The following STK38L variants were observed in gnomAD, a reference collection of about 807,000 sequenced individuals.
STK38L encodes the protein serine/threonine kinase 38 like.
A neutral mutation model predicts 59.7 loss-of-function variants in STK38L; 28 were observed. That is an observed-to-expected ratio of 0.47 (90% confidence interval 0.35 to 0.64). The LOEUF is 0.64. STK38L is among the 30% of genes least tolerant of loss of function. STK38L has a pLI of 0.01. For synonymous variants in STK38L, 162 were observed against 176.8 expected (o/e 0.92, Z 0.66); for missense variants, 314 against 555.8 (o/e 0.56, Z 4.37).
chr12:27,278,954 G>C (rs1171885283), intron 1 of STK38L, among the ~76,000 whole-genome samples: 1 of 152,132 alleles, frequency 6.6e-6, no homozygotes, highest in East Asian at 1.9e-4. Flanking sequence ...ATATGAAAAA[G>C]TATAATAATT....
At chr12:27,264,119 G>A (rs1389226719) in intron 1 of STK38L, among the ~76,000 whole-genome samples, 1 of 152,130 alleles carries the variant, frequency 6.6e-6, no homozygotes, top group African/African-American at 2.4e-5. Context: ...CAAATTATGG[G>A]CTTTAATAAA....
chr12:27,305,554 G>A (rs1944290660), intron 3 of STK38L, among the ~76,000 whole-genome samples: 1 of 152,056 alleles, frequency 6.6e-6, no homozygotes, highest in Non-Finnish European at 1.5e-5. Context: ...CTTTATATGG[G>A]GTGGGTTTGA....
chr12:27,296,539 G>T (rs1944026855), intron 1 of STK38L, among the ~76,000 whole-genome samples: 1 of 152,134 alleles, frequency 6.6e-6, no homozygotes, highest in Non-Finnish European at 1.5e-5. Flanking sequence ...TCCACTTCAG[G>T]TCCACATCCA....
chr12:27,308,596 G>A lies in STK38L; in HGVS notation c.309+135G>A, dbSNP rs1944372712. 1.5e-5 allele frequency: 14 copies of A among 954,136 alleles called. No individual in the cohort carries two copies. The South Asian group carries it at 1.7e-4, about 12-fold the overall frequency. 59.1% of individuals were successfully genotyped at this position (954,136 alleles called of 1,614,324 possible). A position where few individuals can be genotyped will look rare whatever the true frequency, so the allele number is the denominator to read the frequency against. ...TCCCAATACTTTGGGAGGCCGAGGC[G>A]GGTGGATCGCCTGAGGTCAGGAGTT... is the stretch of plus-strand genomic sequence containing the variant. On this transcript the variant is annotated intron_variant, in intron 4 of 13. Transcript: ENST00000389032. The surrounding 1 kb of genome is among the most constrained non-coding windows in gnomAD (Gnocchi z 4.5).
In STK38L at chr12:27,317,279, CAGAT is replaced by C. The variant is rs1944609315; in HGVS notation, c.838-51_838-48del. 12 of 1,265,472 alleles carry C rather than the reference CAGAT, an allele frequency of 9.5e-6. No individual in the cohort carries two copies. In the Admixed American group the frequency reaches 1.5e-4, roughly 15 times the overall value. The allele number at this position is 1,265,472 out of a possible 1,614,324, so 78.4% of individuals were successfully genotyped here. ...GCTTTTTCCAGTAGTAAGCCATCCTCAGATAGATATTTTTTAAATGTTAAGAATG... is the reference window on the plus strand; with the variant it reads ...GCTTTTTCCAGTAGTAAGCCATCCTCAGATATTTTTTAAATGTTAAGAATG... On this transcript the variant is annotated intron_variant, in intron 9 of 13. Coordinates refer to ENST00000389032, the MANE Select transcript of STK38L (RefSeq NM_015000.4).
intron 1 of STK38L, among the ~76,000 whole-genome samples, chr12:27,264,432 GC>G (rs1367049372): frequency 6.6e-6 from 1 of 152,144 alleles, no homozygotes; most frequent in Non-Finnish European, 1.5e-5. Context: ...GATTAACTAA[GC>G]CTGCTTGCCA....
intron 1 of STK38L, among the ~76,000 whole-genome samples, chr12:27,247,908 A>G (rs1347581707): frequency 2.7e-5 from 4 of 149,920 alleles, no homozygotes; most frequent in Non-Finnish European, 5.9e-5. Context: ...TCTGCCTCTC[A>G]GGCTCAAGCG....
chr12:27,266,222 T>A (rs537148842), intron 1 of STK38L, among the ~76,000 whole-genome samples: 1 of 152,362 alleles, frequency 6.6e-6, no homozygotes, highest in South Asian at 2.1e-4. Flanking sequence ...GAGAAGTTTT[T>A]AAAATAAATG....
intron 1 of STK38L, among the ~76,000 whole-genome samples, chr12:27,286,140 T>C (rs186359920): frequency 3.7e-4 from 57 of 152,296 alleles, no homozygotes; most frequent in African/African-American, 1.4e-3. Context: ...TCTTTGCTGT[T>C]CTCCACTAAA....
At position 27,285,082 on chromosome 12, in the gene STK38L, T is replaced by C. The variant is rs556885334; in HGVS notation, c.-11-12628T>C. ...GCTCATAGCTACTTAGGTCTTAAAA[T>C]TGTGAGCTTCGTGATACCATATTTT... On this transcript the variant is annotated intron_variant, in intron 1 of 13. Transcript: ENST00000389032. Among the ~76,000 whole-genome samples, 37 of 152,310 alleles carry C rather than the reference T, an allele frequency of 2.4e-4. 1 individual carries two copies. Among genetic ancestry groups the C allele is most frequent in the African/African-American group, 8.7e-4 (36 of 41,566 alleles).
At chr12:27,309,236 C>A in intron 5 of STK38L, 39 bp downstream of exon 5, 1 of 1,449,516 alleles carries the variant, frequency 6.9e-7, no homozygotes, top group Non-Finnish European at 9.5e-7. Flanking sequence ...AAGGAGCATC[C>A]ACTGACGCAG....
intron 3 of STK38L, among the ~76,000 whole-genome samples, chr12:27,305,056 C>T (rs1463428508): frequency 2.0e-5 from 3 of 152,166 alleles, no homozygotes; most frequent in Non-Finnish European, 2.9e-5. Context: ...CCTAGGGACT[C>T]GCATCAGTGG....
intron 1 of STK38L, among the ~76,000 whole-genome samples, chr12:27,261,616 C>G (rs532796158): frequency 6.6e-6 from 1 of 152,268 alleles, no homozygotes; most frequent in South Asian, 2.1e-4. Context: ...CTTTTTGTAT[C>G]TCTTCTTCCA....
At chr12:27,320,038 G>T (rs1057039584) in intron 12 of STK38L, among the ~76,000 whole-genome samples, 1 of 152,178 alleles carries the variant, frequency 6.6e-6, no homozygotes, top group Non-Finnish European at 1.5e-5. Context: ...AGGATATGGC[G>T]ATTGCCTCAT....
chr12:27,263,811 C>G (rs1943250492), intron 1 of STK38L, among the ~76,000 whole-genome samples: 1 of 152,210 alleles, frequency 6.6e-6, no homozygotes, highest in Non-Finnish European at 1.5e-5. Flanking sequence ...AAGATGACAA[C>G]ATACATGACT....
At chr12:27,261,728 T>G (rs1943207858) in intron 1 of STK38L, among the ~76,000 whole-genome samples, 1 of 152,216 alleles carries the variant, frequency 6.6e-6, no homozygotes, top group Non-Finnish European at 1.5e-5. Flanking sequence ...TGAAACAAAT[T>G]TCTTAAGTTC....
Position 27,312,562 on chromosome 12 carries a change from G to A in STK38L, c.407G>A (p.Arg136Gln), listed in dbSNP as rs757083298. The A allele has an allele frequency of 1.2e-6, 2 of 1,613,802 alleles. No individual in the cohort carries two copies. The highest frequency in any genetic ancestry group is 8.5e-7 in the Non-Finnish European group (1 of 1,179,934). ...ATATTCATCTAGGTGGCCCATATCCGAGCAGAAAGAGATATTTTGGTAGAA... is the reference window on the plus strand; with the variant it reads ...ATATTCATCTAGGTGGCCCATATCCAAGCAGAAAGAGATATTTTGGTAGAA... ...MLEKEQVAHI[R>Q]AERDILVEAD... Residue 136 changes from arginine (R) to glutamine (Q), a missense_variant, in exon 6 of 14, where the codon CGA (arginine) becomes CAA (glutamine). By Grantham distance (43) the Arg-to-Gln change is conservative. Transcript: ENST00000389032.
intron 1 of STK38L, chr12:27,293,622 C>T (rs1943944014): frequency 1.8e-5 from 1 of 56,212 alleles, no homozygotes; most frequent in Admixed American, 2.4e-4. Context: ...GCTTGGCAGA[C>T]CGAGCAGGGC....
chr12:27,305,548 A>C (rs1944290523), intron 3 of STK38L, among the ~76,000 whole-genome samples: 1 of 152,248 alleles, frequency 6.6e-6, no homozygotes, highest in African/African-American at 2.4e-5. Context: ...CAGCATCTTT[A>C]TATGGGGTGG....
Sources: allele counts gnomAD v4.1 joint callset (sites outside exome capture counted in the v4.1 genomes callset), GRCh38; gene constraint gnomAD v4.1.1; non-coding constraint Gnocchi (gnomAD v3.1); transcripts MANE v1.5; gene names NCBI Gene and HGNC (gene_info 2026-07-23, HGNC 2026-07-21).